SLC12A5: variants seen among roughly 807,000 people sequenced by gnomAD.
The protein encoded by SLC12A5 is K-Cl cotransporter 2.
A neutral mutation model predicts 124.0 loss-of-function variants in SLC12A5; 18 were observed. The observed-to-expected ratio is 0.15, with a 90% CI of 0.10 to 0.22. The LOEUF is 0.22. SLC12A5 is among the 10% of genes least tolerant of loss of function. The pLI, the probability that SLC12A5 is intolerant of heterozygous loss-of-function variation, is 1.00. For missense variants in SLC12A5, 867 were observed against 1,478.7 expected (o/e 0.59, Z 6.78); for synonymous variants, 589 against 568.0 (o/e 1.04, Z -0.53).
intron 16 of SLC12A5, among the ~76,000 whole-genome samples, chr20:46,048,867 C>A (rs199574528): frequency 1.3e-4 from 19 of 146,110 alleles, no homozygotes; most frequent in Admixed American, 3.4e-4. Flanking sequence ...GACCCTGTCT[C>A]AAAAAAAAAA....
In SLC12A5 at chr20:46,057,089, G is replaced by T. The variant is rs1039241043; in HGVS notation, c.3126-81G>T. On this transcript the variant is annotated intron_variant, in intron 24 of 25. Coordinates refer to ENST00000243964, the MANE Select transcript of SLC12A5 (RefSeq NM_020708.5). The surrounding 1 kb of genome is among the most constrained non-coding windows in gnomAD (Gnocchi z 7.1). Reference sequence around the variant, plus strand: ...GCAAGAACCAGTCCCCAGCAGCCCAGTTCGGGCTGGAAGGGCGACTGGCTC... The same window carrying T: ...GCAAGAACCAGTCCCCAGCAGCCCATTTCGGGCTGGAAGGGCGACTGGCTC... 5.6e-6 allele frequency: 9 copies of T among 1,602,532 alleles called. No homozygotes were observed. The highest frequency in any genetic ancestry group is 1.1e-5 in the South Asian group (1 of 90,590).
Position 46,051,886 on chromosome 20 carries a change from G to T in SLC12A5, c.2377+16G>T. ...AACTTCATTGGTAACGCTATTGGGG[G>T]CTGGGGACAGAAGAGGGGTGGGGCT... On this transcript the variant is annotated intron_variant, in intron 18 of 25. Transcript: ENST00000243964. The T allele has an allele frequency of 6.6e-7, 1 of 1,512,704 alleles. No individual in the cohort carries two copies. Among genetic ancestry groups the T allele is most frequent in the Non-Finnish European group, 8.9e-7 (1 of 1,128,092 alleles). The allele number at this position is 1,512,704 out of a possible 1,614,324, so 93.7% of individuals were successfully genotyped here.
rs1568856047 is a variant in SLC12A5 at position 46,029,904 on chromosome 20, ATGTGTGTGTGTGCGTGTG to A, written c.52+521_52+538del. On this transcript the variant is annotated intron_variant, in intron 1 of 25. Transcript: ENST00000243964. The stretch of plus-strand genomic sequence containing the variant: ...TGTGTGTGTGTGCGCGCGCGTGCGT[ATGTGTGTGTGTGCGTGTG>A]TGTGTGTGTGTGTGTGTGTAGGGGG... 4.9e-4 allele frequency among the ~76,000 whole-genome samples: 62 copies of A among 126,102 alleles called. No individual in the cohort carries two copies. The South Asian group carries it at 7.9e-3, about 16-fold the overall frequency. 82.7% of individuals were successfully genotyped at this position (126,102 alleles called of 152,430 possible).
Position 46,043,335 on chromosome 20 carries a change from C to T in SLC12A5, c.1237+12C>T, listed in dbSNP as rs1172450513. ...CCCCTCAGTCACAGGTGAAGGGGAG[C>T]TCAGAGAGGGAAGACTCTGCCTGTG... On this transcript the variant is annotated intron_variant, in intron 9 of 25. Transcript: ENST00000243964. The T allele has an allele frequency of 1.9e-6, 3 of 1,612,108 alleles. No homozygotes were observed. Among genetic ancestry groups the T allele is most frequent in the Admixed American group, 3.3e-5 (2 of 59,924 alleles).
At chr20:46,029,595 C>T (rs984856067) in intron 1 of SLC12A5, among the ~76,000 whole-genome samples, 199 bp downstream of exon 1, 1 of 152,014 alleles carries the variant, frequency 6.6e-6, no homozygotes, top group African/African-American at 2.4e-5. Flanking sequence ...GCGCCGCGCC[C>T]GGGGGCAGAG....
At chr20:46,023,338 C>A in intron 2 of SLC12A5, 1 of 398,550 alleles carries the variant, frequency 2.5e-6, no homozygotes, top group Non-Finnish European at 4.4e-6. Context: ...AATTCTGGAG[C>A]CATTCTCAAC....
At chr20:46,040,319 T>C in intron 6 of SLC12A5, 54 bp from the exon 7 acceptor site, 21 of 1,601,382 alleles carry the variant, frequency 1.3e-5, no homozygotes, top group Non-Finnish European at 1.8e-5. Flanking sequence ...GCGCTGCATG[T>C]AGTGCAAAGG....
chr20:46,031,472 C>A (rs1390467149), intron 1 of SLC12A5, among the ~76,000 whole-genome samples: 8 of 152,172 alleles, frequency 5.3e-5, no homozygotes, highest in Non-Finnish European at 2.9e-5. Flanking sequence ...AGGCCAAGAG[C>A]CCCTGACATC....
chr20:46,029,262 C>T lies in SLC12A5; in HGVS notation c.-83C>T. On this transcript the variant is annotated 5_prime_UTR_variant, in exon 1 of 26. Transcript: ENST00000243964. ...AGCGGAGAGCGAGACAGAGCTACAG[C>T]GAACGAGAGAGCGGCGAAGGCGGGT... is the stretch of plus-strand genomic sequence containing the variant. The T allele has an allele frequency of 6.7e-7, 1 of 1,495,270 alleles. No individual in the cohort carries two copies. Among genetic ancestry groups the T allele is most frequent in the African/African-American group, 1.4e-5 (1 of 70,642 alleles). 92.6% of individuals were successfully genotyped at this position (1,495,270 alleles called of 1,614,324 possible).
intron 13 of SLC12A5, 80 bp from the exon 14 acceptor site, chr20:46,046,258 C>A: frequency 2.3e-6 from 3 of 1,314,096 alleles, no homozygotes; most frequent in African/African-American, 1.4e-5. Context: ...CCCCTTTCCC[C>A]CTTTCTCTGC....
chr20:46,048,148 CA>C lies in SLC12A5; in HGVS notation c.2012+64del, dbSNP rs565635823. ...GTGCATGAGTGCAAGGCTCAGGAGACAGGGGGAAGGGAGCAGGGCCTGACTT... is the reference window on the plus strand; with the variant it reads ...GTGCATGAGTGCAAGGCTCAGGAGACGGGGGAAGGGAGCAGGGCCTGACTT... On this transcript the variant is annotated intron_variant, in intron 16 of 25. Coordinates refer to ENST00000243964, the MANE Select transcript of SLC12A5 (RefSeq NM_020708.5). The C allele has an allele frequency of 3.4e-3, 4,837 of 1,440,816 alleles. 13 individuals are homozygous for C. The highest frequency in any genetic ancestry group is 8.3e-3 in the Middle Eastern group (47 of 5,658). 89.3% of individuals were successfully genotyped at this position (1,440,816 alleles called of 1,614,324 possible).
chr20:46,031,661 CCCCCAGGCCCAG>C (rs2084450501), intron 1 of SLC12A5, among the ~76,000 whole-genome samples: 1 of 152,292 alleles, frequency 6.6e-6, no homozygotes, highest in East Asian at 1.9e-4. Flanking sequence ...CCTAGGGATT[CCCCCAGGCCCAG>C]CCCCAGGCCC....
At position 46,059,927 on chromosome 20, in the gene SLC12A5, C is replaced by CT. The variant is rs2084738644; in HGVS notation, c.*2323dup. 1 of 304,992 alleles carries CT rather than the reference C, an allele frequency of 3.3e-6. No homozygotes were observed. Among genetic ancestry groups the CT allele is most frequent in the South Asian group, 1.6e-4 (1 of 6,144 alleles). 18.9% of individuals were successfully genotyped at this position (304,992 alleles called of 1,614,324 possible). ...TCAAGAGTATTTATTACTATTACTG[C>CT]TATTATTATTAGGCCTGCCTTTAAT... On this transcript the variant is annotated 3_prime_UTR_variant, in exon 26 of 26. Coordinates refer to ENST00000243964, the MANE Select transcript of SLC12A5 (RefSeq NM_020708.5).
chr20:46,048,411 T>C (rs2084617834), intron 16 of SLC12A5, among the ~76,000 whole-genome samples: 1 of 152,172 alleles, frequency 6.6e-6, no homozygotes, highest in African/African-American at 2.4e-5. Context: ...TTCTAGTCTC[T>C]GGGGATGTAG....
intron 7 of SLC12A5, 70 bp downstream of exon 7, chr20:46,040,684 C>A: frequency 6.3e-7 from 1 of 1,576,856 alleles, no homozygotes; most frequent in South Asian, 1.2e-5. Context: ...GAGTCTCTGC[C>A]AAACTCCCCC....
chr20:46,023,753 T>C (rs7363950), downstream of SLC12A5, among the ~76,000 whole-genome samples: 48,206 of 152,046 alleles, frequency 0.32, 8,392 homozygotes, highest in African/African-American at 0.48. Flanking sequence ...TTAGTGCACA[T>C]GTCCCGGTGG....
rs757792727 is a variant in SLC12A5, at chr20:46,046,012, C to A, written c.1688+16C>A. On this transcript the variant is annotated intron_variant, in intron 13 of 25. Coordinates refer to ENST00000243964, the MANE Select transcript of SLC12A5 (RefSeq NM_020708.5). ...TCCTCTCTATGTGCGTGCCTGACTT[C>A]TTGCCCTCCCCCCTGGTTCAGGGTG... The A allele has an allele frequency of 6.2e-7, 1 of 1,605,940 alleles. No homozygotes were observed. The highest frequency in any genetic ancestry group is 1.1e-5 in the South Asian group (1 of 90,876).
intron 21 of SLC12A5, chr20:46,055,937 G>T: frequency 1.6e-6 from 1 of 609,146 alleles, no homozygotes. Context: ...TAACCCTTTT[G>T]TTGCCAGATG....
In SLC12A5 at chr20:46,045,178, C is replaced by T. The variant is rs545410948; in HGVS notation, c.1569+38C>T. 1.9e-5 allele frequency: 29 copies of T among 1,525,934 alleles called. No individual in the cohort carries two copies. Among genetic ancestry groups the T allele is most frequent in the Non-Finnish European group, 2.5e-5 (28 of 1,142,644 alleles). The allele number at this position is 1,525,934 out of a possible 1,614,324, so 94.5% of individuals were successfully genotyped here. A position where few individuals can be genotyped will look rare whatever the true frequency, so the allele number is the denominator to read the frequency against. ...GAAGAACAGCCCACCCTCAGTAGAC[C>T]AGCCAGGCCCCTGCCCAGAGAGACC... On this transcript the variant is annotated intron_variant, in intron 12 of 25. Coordinates refer to ENST00000243964, the MANE Select transcript of SLC12A5 (RefSeq NM_020708.5). The surrounding 1 kb of genome is among the most constrained non-coding windows in gnomAD (Gnocchi z 4.9).
Sources: allele counts gnomAD v4.1 joint callset (sites outside exome capture counted in the v4.1 genomes callset), GRCh38; gene constraint gnomAD v4.1.1; non-coding constraint Gnocchi (gnomAD v3.1); transcripts MANE v1.5; gene names NCBI Gene and HGNC (gene_info 2026-07-23, HGNC 2026-07-21).